Variants in AP3S1 observed in about 807,000 individuals in gnomAD.
The protein encoded by AP3S1 is adaptor related protein complex 3 subunit sigma 1, also known as AP-3 complex subunit sigma-1.
In AP3S1, 12 loss-of-function variants were observed where a neutral mutation model predicts 21.3. The observed-to-expected ratio is 0.56, with a 90% confidence interval of 0.36 to 0.91. The LOEUF (loss-of-function observed/expected upper bound fraction) is 0.91, where lower values mean the gene tolerates loss of function less well. AP3S1 is among the 40% of genes least tolerant of loss of function. AP3S1 has a pLI of 0.01. For synonymous variants in AP3S1, 48 were observed against 78.4 expected (o/e 0.61, Z 2.05); for missense variants, 116 against 225.0 (o/e 0.52, Z 3.10).
At chr5:115,906,326 A>G (rs969971499) in intron 5 of AP3S1, among the ~76,000 whole-genome samples, 1 of 152,172 alleles carries the variant, frequency 6.6e-6, no homozygotes, top group Non-Finnish European at 1.5e-5. Context: ...TAAACATAAC[A>G]TGCATTTATC....
At chr5:115,882,863 C>G (rs1236826628) in intron 3 of AP3S1, among the ~76,000 whole-genome samples, 2 of 152,222 alleles carry the variant, frequency 1.3e-5, no homozygotes, top group Admixed American at 1.3e-4. Context: ...AAGCCCCTGA[C>G]TGGGGCTGTT....
chr5:115,847,831 A>G (rs1762170383), intron 1 of AP3S1, among the ~76,000 whole-genome samples: 1 of 152,212 alleles, frequency 6.6e-6, no homozygotes. Context: ...GGTTGTTAAT[A>G]TCAGGAATAG....
intron 3 of AP3S1, among the ~76,000 whole-genome samples, chr5:115,891,671 G>C (rs190744746): frequency 1.1e-4 from 16 of 152,172 alleles, no homozygotes; most frequent in Non-Finnish European, 2.2e-4. Flanking sequence ...CACAGAGTCC[G>C]TACTGGGGCA....
At chr5:115,871,890 T>C (rs1161600568) in intron 3 of AP3S1, among the ~76,000 whole-genome samples, 3 of 152,154 alleles carry the variant, frequency 2.0e-5, no homozygotes, top group African/African-American at 7.2e-5. Context: ...ACAGATAAAA[T>C]TGGCTTTTGA....
intron 3 of AP3S1, among the ~76,000 whole-genome samples, chr5:115,871,785 C>T (rs912709609): frequency 5.3e-5 from 8 of 152,096 alleles, no homozygotes; most frequent in East Asian, 1.9e-4. Context: ...TCTGTTTCCC[C>T]GGTCCATTTA....
At chr5:115,848,812 T>G (rs1762243311) in intron 1 of AP3S1, among the ~76,000 whole-genome samples, 1 of 152,234 alleles carries the variant, frequency 6.6e-6, no homozygotes, top group African/African-American at 2.4e-5. Context: ...ATCTGCCTTT[T>G]CAGCTTTCCT....
chr5:115,861,865 C>CTTTTTTTT (rs113923492), intron 1 of AP3S1, among the ~76,000 whole-genome samples: 3 of 110,620 alleles, frequency 2.7e-5, no homozygotes, highest in Non-Finnish European at 5.2e-5. Flanking sequence ...CTTTTCTTTT[C>CTTTTTTTT]TTTTTTTTTT....
chr5:115,878,158 C>A (rs529584961), intron 3 of AP3S1, among the ~76,000 whole-genome samples: 10 of 152,296 alleles, frequency 6.6e-5, no homozygotes, highest in Admixed American at 6.5e-4. Context: ...GTTGCCTGTT[C>A]ACTCTGATGA....
At chr5:115,894,435 C>T (rs913235804) in intron 3 of AP3S1, among the ~76,000 whole-genome samples, 3 of 152,166 alleles carry the variant, frequency 2.0e-5, no homozygotes, top group Admixed American at 2.0e-4. Context: ...TACAAAAACA[C>T]TCTAATCAGA....
intron 3 of AP3S1, among the ~76,000 whole-genome samples, chr5:115,889,039 A>G (rs1205262263): frequency 6.6e-6 from 1 of 152,170 alleles, no homozygotes; most frequent in East Asian, 1.9e-4. Context: ...TGTATCCTCA[A>G]CACAGTACTG....
At chr5:115,909,482 A>G (rs1190491429) in intron 5 of AP3S1, among the ~76,000 whole-genome samples, 1 of 152,142 alleles carries the variant, frequency 6.6e-6, no homozygotes, top group Non-Finnish European at 1.5e-5. Flanking sequence ...ATTTAATCTC[A>G]TGGGAGAGAA....
intron 1 of AP3S1, chr5:115,842,480 C>T (rs1234672625): frequency 1.7e-5 from 3 of 179,900 alleles, no homozygotes; most frequent in Non-Finnish European, 3.5e-5. Context: ...CGCGCGGCTG[C>T]CTTCCTGCCG....
intron 1 of AP3S1, among the ~76,000 whole-genome samples, chr5:115,862,615 G>C (rs1055025634): frequency 6.6e-6 from 1 of 152,148 alleles, no homozygotes; most frequent in Non-Finnish European, 1.5e-5. Context: ...ACATTCTGTT[G>C]CTATTGTGGT....
At chr5:115,901,495 C>G (rs1202219661) in intron 4 of AP3S1, among the ~76,000 whole-genome samples, 2 of 144,730 alleles carry the variant, frequency 1.4e-5, no homozygotes, top group Non-Finnish European at 3.0e-5. Context: ...AATTTGTCTT[C>G]AGAATTTGTG....
At chr5:115,893,504 G>A (rs889729296) in intron 3 of AP3S1, among the ~76,000 whole-genome samples, 39 of 152,180 alleles carry the variant, frequency 2.6e-4, no homozygotes, top group Admixed American at 6.5e-5. Context: ...TAGATTTGGG[G>A]AAGTCAAAGT....
intron 3 of AP3S1, among the ~76,000 whole-genome samples, chr5:115,892,022 C>G (rs981728785): frequency 2.6e-5 from 4 of 152,292 alleles, no homozygotes; most frequent in Non-Finnish European, 4.4e-5. Flanking sequence ...AGACATTTCT[C>G]AAAAGAAGAC....
At chr5:115,853,173 G>C (rs1360191506) in intron 1 of AP3S1, among the ~76,000 whole-genome samples, 1 of 152,004 alleles carries the variant, frequency 6.6e-6, no homozygotes, top group Non-Finnish European at 1.5e-5. Context: ...TGTCCTGATG[G>C]GTATCAAGTA....
rs578128844 is a variant in AP3S1, at chr5:115,868,889, A to AAG, written c.162-1114_162-1113dup. Among the ~76,000 whole-genome samples the AAG allele has an allele frequency of 7.0e-3, 636 of 91,442 alleles. 12 individuals are homozygous for AAG. Among genetic ancestry groups the AAG allele is most frequent in the African/African-American group, 0.028 (611 of 21,722 alleles). The allele number at this position is 91,442 out of a possible 152,430, so 60.0% of individuals were successfully genotyped here. On this transcript the variant is annotated intron_variant, in intron 2 of 5. Coordinates refer to ENST00000316788, the MANE Select transcript of AP3S1 (RefSeq NM_001284.4). Reference sequence around the variant, plus strand: ...AGAGTGAAACTCTGTCTCAAAAAGAAAGAGAGAGAGAGAGACAGAGAAAGA... The same window carrying AAG: ...AGAGTGAAACTCTGTCTCAAAAAGAAAGAGAGAGAGAGAGAGACAGAGAAAGA...
intron 5 of AP3S1, among the ~76,000 whole-genome samples, chr5:115,905,559 G>A (rs200675760): frequency 2.6e-5 from 4 of 152,120 alleles, no homozygotes; most frequent in African/African-American, 9.6e-5. Flanking sequence ...TTATGAAATC[G>A]GATTTCAAGT....
Sources: allele counts gnomAD v4.1 joint callset (sites outside exome capture counted in the v4.1 genomes callset), GRCh38; gene constraint gnomAD v4.1.1; transcripts MANE v1.5; gene names NCBI Gene and HGNC (gene_info 2026-07-23, HGNC 2026-07-21).